The following UNC13C variants were observed in gnomAD, a reference collection of about 807,000 sequenced individuals.
UNC13C encodes the protein protein unc-13 homolog C.
In UNC13C, 174 loss-of-function variants were observed where a neutral mutation model predicts 245.4. That is an observed-to-expected ratio of 0.71 (90% CI 0.63 to 0.80). The LOEUF (loss-of-function observed/expected upper bound fraction) is 0.80, where lower values mean the gene tolerates loss of function less well. Ranked by LOEUF, UNC13C falls within the 30% of genes least tolerant of loss-of-function variation. The pLI, the probability that UNC13C is intolerant of heterozygous loss-of-function variation, is 0.00. For synonymous variants in UNC13C, 992 were observed against 895.1 expected (o/e 1.11, Z -1.93); for missense variants, 2,829 against 2,602.9 (o/e 1.09, Z -1.89).
At chr15:53,909,483 G>A in the UNC13C span, among the ~76,000 whole-genome samples, 2 of 146,634 alleles carry the variant, frequency 1.4e-5, no homozygotes, top group African/African-American at 2.4e-5. Flanking sequence ...GCCGGGCGTG[G>A]TGGCTCACGC....
Position 54,237,996 on chromosome 15 carries a change from T to C in UNC13C, c.3228+306T>C, listed in dbSNP as rs915413569. Among the ~76,000 whole-genome samples the C allele has an allele frequency of 2.6e-5, 4 of 152,142 alleles. No individual in the cohort carries two copies. The South Asian group carries it at 6.2e-4, about 24-fold the overall frequency. On this transcript the variant is annotated intron_variant, in intron 7 of 32. Coordinates refer to ENST00000260323, the MANE Select transcript of UNC13C (RefSeq NM_001080534.3). The stretch of plus-strand genomic sequence containing the variant: ...TTACATAGTTTAAGTTTTGCCTCTT[T>C]TACGAGGTTTTCCCCAAACATCTTC...
rs1293822035 is a variant in UNC13C at position 54,254,242 on chromosome 15, T to A, written c.3448+3798T>A. ...ATATTTGCATATATTGAGCAACTAT[T>A]GTGGGTAGGAGTTTTATTCTGGGCT... On this transcript the variant is annotated intron_variant, in intron 8 of 32. Transcript: ENST00000260323. 2.6e-5 allele frequency among the ~76,000 whole-genome samples: 4 copies of A among 152,232 alleles called. No homozygotes were observed. The East Asian group carries it at 5.8e-4, about 22-fold the overall frequency.
chr15:53,888,419 G>T, the UNC13C span, among the ~76,000 whole-genome samples: 16 of 151,996 alleles, frequency 1.1e-4, no homozygotes, highest in South Asian at 3.1e-3. Flanking sequence ...TTGTAAATTT[G>T]TTTAAGTTCC....
chr15:54,596,762 A>G (rs1386203696), intron 30 of UNC13C, among the ~76,000 whole-genome samples: 3 of 152,136 alleles, frequency 2.0e-5, no homozygotes, highest in Admixed American at 2.0e-4. Context: ...ATTAGTTCAC[A>G]TCAGAGCTGG....
chr15:54,626,333 A>G (rs990612735), intron 32 of UNC13C, among the ~76,000 whole-genome samples: 3 of 152,130 alleles, frequency 2.0e-5, no homozygotes, highest in Non-Finnish European at 4.4e-5. Context: ...AATTTAGCAT[A>G]TTGTGAATAG....
intron 13 of UNC13C, among the ~76,000 whole-genome samples, chr15:54,314,326 T>C (rs550957704): frequency 1.3e-5 from 2 of 151,788 alleles, no homozygotes; most frequent in East Asian, 1.9e-4. Context: ...AAGATAAGTA[T>C]GGGAGGTAGT....
intron 17 of UNC13C, among the ~76,000 whole-genome samples, chr15:54,379,211 TTATATAGGGTCTAGTATGAAAGTC>T (rs1380158180): frequency 1.3e-5 from 2 of 152,104 alleles, no homozygotes; most frequent in Admixed American, 6.5e-5. Flanking sequence ...AAGTAATGTT[TTATATAGGGTCTAGTATGAAAGTC>T]TATCAACAGC....
At chr15:54,288,666 T>C (rs1035878730) in intron 10 of UNC13C, among the ~76,000 whole-genome samples, 9 of 152,180 alleles carry the variant, frequency 5.9e-5, no homozygotes, top group Non-Finnish European at 1.3e-4. Context: ...TTTGAAAGGT[T>C]GTTGTATGAG....
At chr15:54,163,903 C>A (rs1288493155) in intron 4 of UNC13C, among the ~76,000 whole-genome samples, 2 of 152,084 alleles carry the variant, frequency 1.3e-5, no homozygotes, top group African/African-American at 2.4e-5. Context: ...AAATCATAAG[C>A]CTGCCTGATT....
At chr15:53,987,560 TGC>T (rs1894198690) in intron 1 of UNC13C, among the ~76,000 whole-genome samples, 2 of 151,686 alleles carry the variant, frequency 1.3e-5, no homozygotes, top group Non-Finnish European at 2.9e-5. Flanking sequence ...TTGTTTAATA[TGC>T]TGCAGCACTA....
At chr15:54,534,647 C>G (rs1427308390) in intron 26 of UNC13C, among the ~76,000 whole-genome samples, 4 of 152,136 alleles carry the variant, frequency 2.6e-5, no homozygotes, top group African/African-American at 9.6e-5. Context: ...GATGAAAATT[C>G]AGGAGAAAGT....
intron 2 of UNC13C, among the ~76,000 whole-genome samples, chr15:54,118,374 G>T (rs2030426106): frequency 6.6e-6 from 1 of 150,902 alleles, no homozygotes; most frequent in Non-Finnish European, 1.5e-5. Context: ...TTACTTCTTT[G>T]GTTAAATTGA....
chr15:54,509,449 C>T (rs952171489), intron 23 of UNC13C, among the ~76,000 whole-genome samples: 4 of 151,996 alleles, frequency 2.6e-5, no homozygotes, highest in African/African-American at 7.3e-5. Context: ...AACTCAGAAA[C>T]ACTTTGGCCA....
At chr15:54,132,068 C>CTTTTTCTT (rs145909110) in intron 2 of UNC13C, among the ~76,000 whole-genome samples, 5 of 12,798 alleles carry the variant, frequency 3.9e-4, no homozygotes, top group Admixed American at 2.8e-3. Context: ...CAGTTTTTTT[C>CTTTTTCTT]TTTTTCTTTT....
intron 19 of UNC13C, among the ~76,000 whole-genome samples, chr15:54,466,783 A>C (rs962479305): frequency 6.6e-5 from 10 of 151,890 alleles, no homozygotes; most frequent in Non-Finnish European, 1.3e-4. Context: ...ATCAGGTATT[A>C]TTTTAGTAAT....
chr15:54,413,529 AAACT>A (rs2140948318), intron 18 of UNC13C, among the ~76,000 whole-genome samples: 1 of 152,278 alleles, frequency 6.6e-6, no homozygotes, highest in South Asian at 2.1e-4. Flanking sequence ...TTAATATTGA[AAACT>A]AATTTATATG....
At chr15:54,552,644 AAT>A (rs1264983140) in intron 28 of UNC13C, among the ~76,000 whole-genome samples, 77 of 74,722 alleles carry the variant, frequency 1.0e-3, no homozygotes, top group Non-Finnish European at 1.5e-3. Flanking sequence ...AATATAATAT[AAT>A]TATATAATTA....
At chr15:54,621,620 T>C (rs879561293) in intron 30 of UNC13C, among the ~76,000 whole-genome samples, 2 of 152,118 alleles carry the variant, frequency 1.3e-5, no homozygotes, top group Non-Finnish European at 2.9e-5. Context: ...TCATAAAAGA[T>C]ATGTTAATGT....
rs775529886 is a variant in UNC13C, at chr15:54,623,776, G to T, written c.6200-19G>T. Reference sequence around the variant, plus strand: ...TCCACACATCTGTTTGCTAAAATGTGATATTTCCTTTTTTTTAGTGATTGC... The same window carrying T: ...TCCACACATCTGTTTGCTAAAATGTTATATTTCCTTTTTTTTAGTGATTGC... On this transcript the variant is annotated intron_variant, in intron 31 of 32. Transcript: ENST00000260323. 22 of 1,602,134 alleles carry T rather than the reference G, an allele frequency of 1.4e-5. No individual in the cohort carries two copies. The highest frequency in any genetic ancestry group is 1.7e-5 in the Non-Finnish European group (20 of 1,174,122).
Sources: gnomAD v4.1 joint callset for allele counts (sites outside exome capture counted in the v4.1 genomes callset) on GRCh38, gnomAD v4.1.1 for gene constraint, MANE v1.5 for transcripts, NCBI Gene and HGNC (gene_info 2026-07-23, HGNC 2026-07-21) for gene names.